The following MFAP5 variants were observed in gnomAD, a reference collection of about 807,000 sequenced individuals.
MFAP5 encodes the protein microfibril associated protein 5, also known as microfibrillar-associated protein 5.
Under a neutral mutation model 30.1 loss-of-function variants are expected in MFAP5, and 19 were observed. The ratio of observed to expected loss-of-function variants is 0.63; its 90% CI spans 0.44 to 0.93. MFAP5 has a LOEUF of 0.93. Among genes scored for constraint, MFAP5 ranks in the 40% least tolerant of loss-of-function variants. The pLI is 0.00. For missense variants in MFAP5, 210 were observed against 221.3 expected (o/e 0.95, Z 0.32); for synonymous variants, 92 against 72.9 (o/e 1.26, Z -1.33).
chr12:8,660,191 A>ATTT (rs36061194), intron 3 of MFAP5, among the ~76,000 whole-genome samples: 1 of 138,666 alleles, frequency 7.2e-6, no homozygotes, highest in Admixed American at 7.3e-5. Flanking sequence ...TTTTTTTCTA[A>ATTT]TTTTTTTTTT....
rs922642405 is a variant in MFAP5 at position 8,655,891 on chromosome 12, T to G, written c.95-61A>C. 4 of 1,462,836 alleles carry G rather than the reference T, an allele frequency of 2.7e-6. No homozygotes were observed. In the East Asian group the frequency reaches 6.8e-5, roughly 25 times the overall value. 90.6% of individuals were successfully genotyped at this position (1,462,836 alleles called of 1,614,324 possible). A position where few individuals can be genotyped will look rare whatever the true frequency, so the allele number is the denominator to read the frequency against. ...TCTGTCTCCCTGCCACCCTTGCACT[T>G]CCAGTAAGTTAAATTGCGAAGCATA... On this transcript the variant is annotated intron_variant, in intron 3 of 9. Transcript: ENST00000359478.
At chr12:8,660,925 G>A in intron 2 of MFAP5, 27 bp from the exon 3 acceptor site, 1 of 1,595,704 alleles carries the variant, frequency 6.3e-7, no homozygotes, top group Non-Finnish European at 8.6e-7. Context: ...GAAAAGAGAT[G>A]TGAGTGACTG....
chr12:8,651,274 A>G (rs1053436642), intron 7 of MFAP5, among the ~76,000 whole-genome samples: 12 of 152,262 alleles, frequency 7.9e-5, no homozygotes, highest in African/African-American at 2.9e-4. Flanking sequence ...TCTCTGTTCC[A>G]GTAGTTTTCA....
chr12:8,661,028 T>A, intron 2 of MFAP5, 130 bp from the exon 3 acceptor site: 2 of 660,610 alleles, frequency 3.0e-6, no homozygotes, highest in African/African-American at 1.8e-5. Context: ...CCTATATAGC[T>A]CAATATAAAA....
At chr12:8,648,563 A>G (rs1357727758) in intron 9 of MFAP5, 11 of 1,269,476 alleles carry the variant, frequency 8.7e-6, no homozygotes, top group Non-Finnish European at 1.1e-5. Flanking sequence ...GATCTATTAA[A>G]TAGAAAAATG....
chr12:8,661,035 A>G, intron 2 of MFAP5, 137 bp from the exon 3 acceptor site: 1 of 615,492 alleles, frequency 1.6e-6, no homozygotes, highest in Non-Finnish European at 2.7e-6. Context: ...AGCTCAATAT[A>G]AAATTACTGA....
At chr12:8,659,056 C>T (rs7133010) in intron 3 of MFAP5, among the ~76,000 whole-genome samples, 2,004 of 147,124 alleles carry the variant, frequency 0.014, 50 homozygotes, top group South Asian at 0.093. Context: ...CACCTGTAAT[C>T]CCAGCACTTT....
chr12:8,661,006 T>C (rs1049123304), intron 2 of MFAP5, 108 bp from the exon 3 acceptor site: 3 of 909,434 alleles, frequency 3.3e-6, no homozygotes, highest in Non-Finnish European at 1.7e-6. Flanking sequence ...TACTTTATCT[T>C]TGTGACTTAT....
Position 8,650,504 on chromosome 12 carries a change from G to T in MFAP5, c.333C>A (p.Thr111=). Residue 111 remains threonine, a splice_region_variant and synonymous_variant, in exon 8 of 10, where the codon ACC becomes ACA. Coordinates refer to ENST00000359478, the MANE Select transcript of MFAP5 (RefSeq NM_003480.4). ...TTGGGCATTCTGGGATCCCTTACCTGGTGAAGCATAACTGATGAATGCATT... is the reference window on the plus strand; with the variant it reads ...TTGGGCATTCTGGGATCCCTTACCTTGTGAAGCATAACTGATGAATGCATT... ...VKQCIHQLCF[T]SLRRMYIVNK... The T allele has an allele frequency of 6.2e-7, 1 of 1,613,732 alleles. No homozygotes were observed. The highest frequency in any genetic ancestry group is 8.5e-7 in the Non-Finnish European group (1 of 1,179,680).
chr12:8,654,592 CT>C (rs1247447837), intron 5 of MFAP5, 111 bp from the exon 6 acceptor site: 1 of 1,022,482 alleles, frequency 9.8e-7, no homozygotes, highest in Non-Finnish European at 1.5e-6. Context: ...CTATGTCTGG[CT>C]TTGTGTTTTA....
rs777981165 is a variant in MFAP5, at chr12:8,650,545, GCA to G, written c.290_291del (p.Val97AlafsTer5). 1 of 1,614,002 alleles carries G rather than the reference GCA, an allele frequency of 6.2e-7. No homozygotes were observed. The highest frequency in any genetic ancestry group is 1.3e-5 in the African/African-American group (1 of 74,892). ...TGAATGCATTGTTTAACCGGCCGAT[GCA>G]CAGAGTAGAGCCTTGTGCAGGTAAA... ...EKFTCTRLYS[V>X]HRPVKQCIHQ... On this transcript the variant is annotated frameshift_variant, in exon 8 of 10. Transcript: ENST00000359478. LOFTEE classifies it high-confidence loss of function.
intron 9 of MFAP5, chr12:8,648,429 A>G (rs1272534154): frequency 6.9e-6 from 7 of 1,014,584 alleles, no homozygotes; most frequent in South Asian, 5.1e-5. Context: ...GAGAATTAAA[A>G]TACCTACCTC....
Position 8,649,582 on chromosome 12 carries a change from C to T in MFAP5, c.336-8G>A, listed in dbSNP as rs760474089. 12 of 1,612,994 alleles carry T rather than the reference C, an allele frequency of 7.4e-6. No individual in the cohort carries two copies. Among genetic ancestry groups the T allele is most frequent in the South Asian group, 3.3e-5 (3 of 91,068 alleles). ...ATGTACATACGTCGTAAACTGCAGACGTCCCAGTGTCATAGGCAAGGAAGG... is the reference window on the plus strand; with the variant it reads ...ATGTACATACGTCGTAAACTGCAGATGTCCCAGTGTCATAGGCAAGGAAGG... On this transcript the variant is annotated splice_polypyrimidine_tract_variant and splice_region_variant and intron_variant, in intron 8 of 9. Coordinates refer to ENST00000359478, the MANE Select transcript of MFAP5 (RefSeq NM_003480.4).
rs1287196815 is a variant in MFAP5, at chr12:8,646,719, C to T, written c.*1372G>A. The T allele has an allele frequency of 6.6e-6, 1 of 152,180 alleles. No individual in the cohort carries two copies. The highest frequency in any genetic ancestry group is 1.9e-4 in the East Asian group (1 of 5,200). The allele number at this position is 152,180 out of a possible 1,614,324, so 9.4% of individuals were successfully genotyped here. A position where few individuals can be genotyped will look rare whatever the true frequency, so the allele number is the denominator to read the frequency against. ...GCGCCATCTCGGCTCACTGCAACCT[C>T]TGCCTCCCAGGTTCAATTGATTCTC... On this transcript the variant is annotated 3_prime_UTR_variant, in exon 10 of 10. Coordinates refer to ENST00000359478, the MANE Select transcript of MFAP5 (RefSeq NM_003480.4).
At chr12:8,648,616 A>C in intron 9 of MFAP5, 2 of 998,938 alleles carry the variant, frequency 2.0e-6, no homozygotes, top group Non-Finnish European at 2.7e-6. Context: ...TACTATGGGC[A>C]AACAGCTAAC....
chr12:8,660,626 C>T (rs1344741421), intron 3 of MFAP5, among the ~76,000 whole-genome samples: 1 of 151,928 alleles, frequency 6.6e-6, no homozygotes, highest in Non-Finnish European at 1.5e-5. Flanking sequence ...GAAGGTGTTT[C>T]AGTAGTTTAA....
rs1941688658 is a variant in MFAP5, at chr12:8,646,652, A to G, written c.*1439T>C. On this transcript the variant is annotated 3_prime_UTR_variant, in exon 10 of 10. Coordinates refer to ENST00000359478, the MANE Select transcript of MFAP5 (RefSeq NM_003480.4). The stretch of plus-strand genomic sequence containing the variant: ...TATATAATATATATATATATTTCTT[A>G]AGATGGACTTTTGCTTTTGTCACCC... The G allele has an allele frequency of 6.6e-6, 1 of 151,750 alleles. No individual in the cohort carries two copies. The highest frequency in any genetic ancestry group is 2.4e-5 in the African/African-American group (1 of 41,354). The allele number at this position is 151,750 out of a possible 1,614,324, so 9.4% of individuals were successfully genotyped here. A position where few individuals can be genotyped will look rare whatever the true frequency, so the allele number is the denominator to read the frequency against.
At chr12:8,651,998 CAA>C (rs1170466166) in intron 6 of MFAP5, among the ~76,000 whole-genome samples, 2 of 152,072 alleles carry the variant, frequency 1.3e-5, no homozygotes, top group Non-Finnish European at 2.9e-5. Context: ...GAACACAAGG[CAA>C]AGAGTTACAT....
intron 9 of MFAP5, among the ~76,000 whole-genome samples, chr12:8,649,261 G>T (rs1307894800): frequency 1.3e-5 from 2 of 152,100 alleles, no homozygotes; most frequent in African/African-American, 4.8e-5. Flanking sequence ...GACACTGTGG[G>T]GTTACAATCT....
Sources: allele counts gnomAD v4.1 joint callset (sites outside exome capture counted in the v4.1 genomes callset), GRCh38; gene constraint gnomAD v4.1.1; transcripts MANE v1.5; gene names NCBI Gene and HGNC (gene_info 2026-07-23, HGNC 2026-07-21).